The following REPS1 variants were observed in gnomAD, a reference collection of about 807,000 sequenced individuals.
REPS1 encodes the protein RALBP1 associated Eps domain containing 1, also known as ralBP1-associated Eps domain-containing protein 1.
REPS1 carries 39 observed loss-of-function variants against 100.9 expected under a neutral mutation model. That is an observed-to-expected ratio of 0.39 (90% CI 0.30 to 0.50). The LOEUF is 0.50. REPS1 is among the 20% of genes least tolerant of loss of function. The pLI is 0.86. For synonymous variants in REPS1, 324 were observed against 340.3 expected (o/e 0.95, Z 0.53); for missense variants, 821 against 968.5 (o/e 0.85, Z 2.02).
chr6:138,918,545 AGAATAT>A (rs1780557693), intron 12 of REPS1, among the ~76,000 whole-genome samples: 1 of 152,220 alleles, frequency 6.6e-6, no homozygotes, highest in Admixed American at 6.5e-5. Flanking sequence ...TGGAATAGTG[AGAATAT>A]GAATAATTAT....
chr6:138,958,912 G>A (rs926212233), intron 1 of REPS1, among the ~76,000 whole-genome samples: 2 of 152,132 alleles, frequency 1.3e-5, no homozygotes, highest in African/African-American at 4.8e-5. Flanking sequence ...ACTCTCCAAG[G>A]AGAAAATTAC....
intron 1 of REPS1, among the ~76,000 whole-genome samples, chr6:138,973,130 T>C (rs1784424642): frequency 6.6e-6 from 1 of 152,142 alleles, no homozygotes. Context: ...TGTATACAAG[T>C]GCAAACATAC....
intron 1 of REPS1, among the ~76,000 whole-genome samples, chr6:138,980,664 CT>C (rs57774339): frequency 0.22 from 9,793 of 44,902 alleles, 868 homozygotes; most frequent in African/African-American, 0.42. Flanking sequence ...TTCTTTTTTC[CT>C]TTTTTTTTTG....
At chr6:138,987,003 AACT>A (rs1407428321) in intron 1 of REPS1, among the ~76,000 whole-genome samples, 1 of 152,170 alleles carries the variant, frequency 6.6e-6, no homozygotes, top group Non-Finnish European at 1.5e-5. Flanking sequence ...CTACTTGTAA[AACT>A]ACTAAGTAGT....
intron 7 of REPS1, 102 bp from the exon 8 acceptor site, chr6:138,941,591 A>G: frequency 9.1e-7 from 1 of 1,101,392 alleles, no homozygotes; most frequent in Non-Finnish European, 1.3e-6. Flanking sequence ...AAGTGCAAGA[A>G]CTCAGTAATT....
chr6:138,974,694 G>A (rs2128505527), intron 1 of REPS1, among the ~76,000 whole-genome samples: 1 of 152,240 alleles, frequency 6.6e-6, no homozygotes, highest in Non-Finnish European at 1.5e-5. Flanking sequence ...AGTGAAAACA[G>A]AAACCGAAAT....
chr6:138,916,124 A>C, intron 13 of REPS1, 148 bp from the exon 14 acceptor site: 1 of 690,920 alleles, frequency 1.4e-6, no homozygotes, highest in East Asian at 2.7e-5. Flanking sequence ...CAATAAATTA[A>C]GATAGCACTG....
chr6:138,943,482 A>G (rs775127428), intron 7 of REPS1, 31 bp downstream of exon 7: 2 of 1,397,022 alleles, frequency 1.4e-6, no homozygotes, highest in Non-Finnish European at 1.0e-6. Context: ...GAAGCAACCC[A>G]GTTACCCAAC....
At chr6:138,944,766 T>C in intron 4 of REPS1, 144 bp from the exon 5 acceptor site, 1 of 696,966 alleles carries the variant, frequency 1.4e-6, no homozygotes, top group Non-Finnish European at 2.4e-6. Context: ...ATACCTCATT[T>C]AAATATCTTC....
At chr6:138,979,190 A>C (rs1278779261) in intron 1 of REPS1, among the ~76,000 whole-genome samples, 8 of 148,642 alleles carry the variant, frequency 5.4e-5, no homozygotes, top group Non-Finnish European at 8.9e-5. Flanking sequence ...CAAAAAAAAA[A>C]AAAAAAACAA....
At chr6:138,947,313 G>A (rs1782700521) in intron 2 of REPS1, among the ~76,000 whole-genome samples, 3 of 152,056 alleles carry the variant, frequency 2.0e-5, no homozygotes, top group South Asian at 2.1e-4. Context: ...GTCTCTTATC[G>A]ATCAAAAAGT....
Position 138,904,390 on chromosome 6 carries a change from A to G in REPS1, c.*674T>C, listed in dbSNP as rs1170194070. The G allele has an allele frequency of 6.6e-6, 1 of 152,250 alleles. No individual in the cohort carries two copies. The highest frequency in any genetic ancestry group is 1.5e-5 in the Non-Finnish European group (1 of 68,042). The allele number at this position is 152,250 out of a possible 1,614,324, so 9.4% of individuals were successfully genotyped here. A position where few individuals can be genotyped will look rare whatever the true frequency, so the allele number is the denominator to read the frequency against. On this transcript the variant is annotated 3_prime_UTR_variant, in exon 20 of 20. Transcript: ENST00000450536. ...TTAAGAAAGGCCATTACTCATACCT[A>G]TTTCATAAGTTTACATGACTGCTGA...
intron 1 of REPS1, among the ~76,000 whole-genome samples, chr6:138,960,553 T>C (rs1783671081): frequency 6.6e-6 from 1 of 152,180 alleles, no homozygotes; most frequent in African/African-American, 2.4e-5. Flanking sequence ...GCAAATTTCC[T>C]TAATGTCTAG....
intron 1 of REPS1, among the ~76,000 whole-genome samples, chr6:138,977,365 GCT>G (rs139235867): frequency 0.01 from 1,582 of 152,244 alleles, 21 homozygotes; most frequent in African/African-American, 0.036. Context: ...ATGAGGTCTT[GCT>G]CTGTCACCCA....
chr6:138,912,675 T>G (rs981972880), intron 16 of REPS1, 90 bp downstream of exon 16: 1 of 1,216,736 alleles, frequency 8.2e-7, no homozygotes, highest in African/African-American at 1.5e-5. Flanking sequence ...TTTTACTCAC[T>G]GATGTCCCCT....
intron 8 of REPS1, among the ~76,000 whole-genome samples, chr6:138,940,668 C>T (rs548225983): frequency 4.0e-5 from 6 of 151,842 alleles, no homozygotes; most frequent in African/African-American, 1.2e-4. Flanking sequence ...ATCGCTTGAA[C>T]CCGGGAGGTG....
intron 10 of REPS1, among the ~76,000 whole-genome samples, chr6:138,923,756 C>T (rs1780928236): frequency 6.6e-6 from 1 of 152,162 alleles, no homozygotes; most frequent in Non-Finnish European, 1.5e-5. Context: ...GGGGTCACTG[C>T]ACTGTGTAGT....
At chr6:138,955,180 T>C (rs919508417) in intron 1 of REPS1, among the ~76,000 whole-genome samples, 1 of 152,144 alleles carries the variant, frequency 6.6e-6, no homozygotes, top group Non-Finnish European at 1.5e-5. Flanking sequence ...TCAGGTATGA[T>C]GGCTCACACC....
chr6:138,929,382 G>T (rs1188893), intron 9 of REPS1: 96,499 of 151,948 alleles, frequency 0.64, 31,011 homozygotes, highest in African/African-American at 0.66. Context: ...AACAGTGCAT[G>T]TGTCCCAAAT....
Sources: gnomAD v4.1 joint callset for allele counts (sites outside exome capture counted in the v4.1 genomes callset) on GRCh38, gnomAD v4.1.1 for gene constraint, MANE v1.5 for transcripts, NCBI Gene and HGNC (gene_info 2026-07-23, HGNC 2026-07-21) for gene names.